The following TBC1D5 variants were observed in gnomAD, a reference collection of about 807,000 sequenced individuals.
The protein encoded by TBC1D5 is TBC1 domain family member 5.
TBC1D5 carries 75 observed loss-of-function variants against 100.3 expected under a neutral mutation model. The ratio of observed to expected loss-of-function variants is 0.75; its 90% confidence interval spans 0.62 to 0.91. The LOEUF is 0.91. TBC1D5 is among the 40% of genes least tolerant of loss of function. The pLI is 0.00. For missense variants in TBC1D5, 910 were observed against 942.4 expected, an observed-to-expected ratio of 0.97 and a Z score of 0.45; for synonymous variants, 323 against 325.6, an observed-to-expected ratio of 0.99 and a Z score of 0.09.
intron 13 of TBC1D5, among the ~76,000 whole-genome samples, chr3:17,321,089 A>T (rs2085344348): frequency 6.6e-6 from 1 of 152,174 alleles, no homozygotes; most frequent in Admixed American, 6.5e-5. Context: ...ATTTTTAGAG[A>T]CAAGGTCTCA....
chr3:17,661,883 T>A (rs1337025518), intron 1 of TBC1D5, among the ~76,000 whole-genome samples: 1 of 151,818 alleles, frequency 6.6e-6, no homozygotes, highest in Non-Finnish European at 1.5e-5. Flanking sequence ...AGTTCACCTA[T>A]CTCCCTCAAC....
chr3:17,346,463 T>C (rs2089894861), intron 13 of TBC1D5, among the ~76,000 whole-genome samples: 1 of 152,176 alleles, frequency 6.6e-6, no homozygotes, highest in African/African-American at 2.4e-5. Context: ...CCTATTTATT[T>C]GTAAGAAATT....
intron 1 of TBC1D5, among the ~76,000 whole-genome samples, chr3:17,685,413 A>T (rs186788897): frequency 6.6e-6 from 1 of 152,042 alleles, no homozygotes; most frequent in East Asian, 1.9e-4. Context: ...TAAATAATCA[A>T]ATAAATAAAT....
At chr3:17,600,347 G>A (rs987983877) in intron 2 of TBC1D5, among the ~76,000 whole-genome samples, 7 of 152,154 alleles carry the variant, frequency 4.6e-5, no homozygotes, top group Non-Finnish European at 4.4e-5. Flanking sequence ...ATATATACAT[G>A]AAGGTCACAT....
chr3:17,668,515 T>C (rs1199365884), intron 1 of TBC1D5, among the ~76,000 whole-genome samples: 1 of 152,098 alleles, frequency 6.6e-6, no homozygotes, highest in African/African-American at 2.4e-5. Context: ...ATTTAGTCTG[T>C]TAACTACCCT....
chr3:17,278,284 C>T (rs763249545), intron 15 of TBC1D5, among the ~76,000 whole-genome samples: 1 of 152,194 alleles, frequency 6.6e-6, no homozygotes, highest in Non-Finnish European at 1.5e-5. Flanking sequence ...GCATCAGAAT[C>T]ACCCATGTCA....
chr3:17,611,257 T>C (rs1427652841), intron 2 of TBC1D5, among the ~76,000 whole-genome samples: 1 of 152,130 alleles, frequency 6.6e-6, no homozygotes, highest in African/African-American at 2.4e-5. Context: ...GGATAGAATA[T>C]GGGCAGACAT....
Position 17,161,263 on chromosome 3 carries a change from A to G in TBC1D5, c.2095-7T>C. ...CTGGCGTTTCTGAAGAGGCCTGTGAAGTACAGTCAGAAGTACAGGTGGATG... is the reference window on the plus strand; with the variant it reads ...CTGGCGTTTCTGAAGAGGCCTGTGAGGTACAGTCAGAAGTACAGGTGGATG... On this transcript the variant is annotated splice_region_variant and splice_polypyrimidine_tract_variant and intron_variant, in intron 21 of 21. Transcript: ENST00000253692. 1 of 1,603,036 alleles carries G rather than the reference A, an allele frequency of 6.2e-7. No homozygotes were observed. The highest frequency in any genetic ancestry group is 8.5e-7 in the Non-Finnish European group (1 of 1,173,690).
chr3:17,310,090 A>G (rs2083846909), intron 13 of TBC1D5, among the ~76,000 whole-genome samples: 1 of 152,040 alleles, frequency 6.6e-6, no homozygotes, highest in Non-Finnish European at 1.5e-5. Context: ...GCACAACAAC[A>G]AAAAAACCAA....
At chr3:17,552,812 T>C (rs763409437) in intron 2 of TBC1D5, among the ~76,000 whole-genome samples, 27 of 152,070 alleles carry the variant, frequency 1.8e-4, no homozygotes, top group Non-Finnish European at 2.9e-4. Flanking sequence ...GGAGTTTGGA[T>C]GAAGGTTATT....
chr3:17,334,913 G>A (rs1175910141), intron 13 of TBC1D5, among the ~76,000 whole-genome samples: 1 of 151,854 alleles, frequency 6.6e-6, no homozygotes, highest in African/African-American at 2.4e-5. Flanking sequence ...AATTTTGGGG[G>A]GAAAATCTAC....
chr3:17,516,538 T>A (rs527669774), intron 2 of TBC1D5, among the ~76,000 whole-genome samples: 89 of 152,296 alleles, frequency 5.8e-4, no homozygotes, highest in Middle Eastern at 3.4e-3. Context: ...TATTAAGCAA[T>A]CCTTGATACA....
chr3:17,343,699 A>G (rs2089386672), intron 13 of TBC1D5, among the ~76,000 whole-genome samples: 1 of 151,560 alleles, frequency 6.6e-6, no homozygotes, highest in African/African-American at 2.4e-5. Flanking sequence ...GTCTTGGGAG[A>G]GTGTATGTGT....
chr3:17,497,054 T>A (rs2095716192), intron 3 of TBC1D5, among the ~76,000 whole-genome samples: 1 of 149,638 alleles, frequency 6.7e-6, no homozygotes, highest in South Asian at 2.1e-4. Context: ...TTTAGACAGA[T>A]GCCTCTCTCT....
chr3:17,489,870 T>C (rs779560266), intron 3 of TBC1D5, among the ~76,000 whole-genome samples: 1 of 152,206 alleles, frequency 6.6e-6, no homozygotes, highest in Non-Finnish European at 1.5e-5. Flanking sequence ...CAGGTACATA[T>C]ACAGTAACGG....
chr3:17,415,318 C>T (rs1317571367), intron 4 of TBC1D5, among the ~76,000 whole-genome samples: 8 of 151,970 alleles, frequency 5.3e-5, no homozygotes, highest in East Asian at 1.9e-4. Context: ...CCACCACGCC[C>T]GGCGAAATTT....
At position 17,629,792 on chromosome 3, in the gene TBC1D5, T is replaced by C. The variant is rs74954908; in HGVS notation, c.-100-5879A>G. On this transcript the variant is annotated intron_variant, in intron 1 of 21. Coordinates refer to ENST00000253692, the Ensembl canonical transcript of TBC1D5. Reference sequence around the variant, plus strand: ...GGTCCTGCAATCACAAGGAACTGAATTTTGCCAAAAAACTGAATACACAGG... The same window carrying C: ...GGTCCTGCAATCACAAGGAACTGAACTTTGCCAAAAAACTGAATACACAGG... Among the ~76,000 whole-genome samples, 525 of 152,272 alleles carry C rather than the reference T, an allele frequency of 3.4e-3. 3 individuals are homozygous for C. Among genetic ancestry groups the C allele is most frequent in the African/African-American group, 0.012 (508 of 41,546 alleles).
intron 1 of TBC1D5, among the ~76,000 whole-genome samples, chr3:17,705,147 G>A (rs1241715493): frequency 8.5e-6 from 1 of 117,454 alleles, no homozygotes; most frequent in East Asian, 2.8e-4. Flanking sequence ...CAGGCGGGGG[G>A]CTGACCCCCC....
At chr3:17,222,912 A>G (rs892319192) in intron 17 of TBC1D5, among the ~76,000 whole-genome samples, 1 of 151,690 alleles carries the variant, frequency 6.6e-6, no homozygotes, top group Non-Finnish European at 1.5e-5. Context: ...ATTTTTTTAT[A>G]CTCCTAGAAA....
Sources: allele counts gnomAD v4.1 joint callset (sites outside exome capture counted in the v4.1 genomes callset), GRCh38; gene constraint gnomAD v4.1.1; transcripts MANE v1.5; gene names NCBI Gene and HGNC (gene_info 2026-07-23, HGNC 2026-07-21).